Variants in WDR44 observed in about 807,000 individuals in gnomAD.
WDR44 encodes the protein WD repeat domain 44, also known as WD repeat-containing protein 44.
In WDR44, 9 loss-of-function variants were observed where a neutral mutation model predicts 65.7. That is an observed-to-expected ratio of 0.14 (90% CI 0.08 to 0.24). The LOEUF (loss-of-function observed/expected upper bound fraction) is 0.24, where lower values mean the gene tolerates loss of function less well. Ranked by LOEUF, WDR44 falls within the 10% of genes least tolerant of loss-of-function variation. WDR44 has a pLI of 1.00. For missense variants in WDR44, 425 were observed against 670.9 expected, an observed-to-expected ratio of 0.63 and a Z score of 4.05; for synonymous variants, 220 against 235.2, an observed-to-expected ratio of 0.94 and a Z score of 0.59.
intron 1 of WDR44, 74 bp from the exon 2 acceptor site, chrX:118,378,345 T>A: frequency 4.9e-6 from 4 of 824,388 alleles, no homozygotes; most frequent in Non-Finnish European, 7.1e-6. Context: ...TGGACTTGTC[T>A]GTAGTAAGTG....
intron 1 of WDR44, among the ~76,000 whole-genome samples, chrX:118,352,352 A>ATATATATATT (rs1357425730): frequency 2.1e-4 from 3 of 14,224 alleles, no homozygotes; most frequent in African/African-American, 1.1e-3. Flanking sequence ...ATATATATAT[A>ATATATATATT]TTTTTTTTTT....
At chrX:118,346,930 C>G (rs2056356487) in intron 1 of WDR44, among the ~76,000 whole-genome samples, 1 of 111,691 alleles carries the variant, frequency 9.0e-6, no homozygotes, top group South Asian at 3.8e-4. Context: ...TTCAAACATC[C>G]GTTTTGGCCT....
chrX:118,435,418 A>G (rs1202687699), intron 13 of WDR44, among the ~76,000 whole-genome samples: 1 of 111,061 alleles, frequency 9.0e-6, no homozygotes, highest in African/African-American at 3.3e-5. Context: ...AGCTGGAATT[A>G]CAGGCGTGGG....
Position 118,410,956 on chromosome X carries a change from A to C in WDR44, c.1734A>C (p.Thr578=), listed in dbSNP as rs753260210. Reference sequence around the variant, plus strand: ...GTTCATCAAAATCGGATACAGATACAGGGGTATGCTTATTGTTTTATGGTT... The same window carrying C: ...GTTCATCAAAATCGGATACAGATACCGGGGTATGCTTATTGTTTTATGGTT... The part of the protein sequence containing the change: ...SLSSSKSDTD[T]GVCSGTDEDP... Residue 578 remains threonine (T), a synonymous_variant, in exon 12 of 20, where the codon ACA becomes ACC. Coordinates refer to ENST00000254029, the MANE Select transcript of WDR44 (RefSeq NM_019045.5). 1 of 1,184,797 alleles carries C rather than the reference A, an allele frequency of 8.4e-7. No homozygotes were observed. The highest frequency in any genetic ancestry group is 1.1e-6 in the Non-Finnish European group (1 of 881,936).
chrX:118,378,049 C>T (rs1171280561), intron 1 of WDR44, among the ~76,000 whole-genome samples: 3 of 110,404 alleles, frequency 2.7e-5, no homozygotes, highest in Admixed American at 9.8e-5. Context: ...CTCCGCCTCC[C>T]GGTTCAAGTG....
chrX:118,351,674 G>C (rs985667557), intron 1 of WDR44, among the ~76,000 whole-genome samples: 3 of 111,673 alleles, frequency 2.7e-5, no homozygotes, highest in Non-Finnish European at 5.6e-5. Flanking sequence ...ATCCGGCCGG[G>C]CACCATGACT....
chrX:118,346,232 T>A lies in WDR44; in HGVS notation c.-272T>A, dbSNP rs1199924182. On this transcript the variant is annotated 5_prime_UTR_variant, in exon 1 of 20. Transcript: ENST00000254029. ...GAGCCACCGCCTCTTTCGCGCTCCT[T>A]ATACACCTATCACTGGGAGCGGTGG... is the stretch of plus-strand genomic sequence containing the variant. 5 of 385,969 alleles carry A rather than the reference T, an allele frequency of 1.3e-5. No homozygotes were observed. The highest frequency in any genetic ancestry group is 2.2e-5 in the Non-Finnish European group (5 of 224,357). The allele number at this position is 385,969 out of a possible 1,213,427, so 31.8% of individuals were successfully genotyped here. A position where few individuals can be genotyped will look rare whatever the true frequency, so the allele number is the denominator to read the frequency against.
intron 2 of WDR44, among the ~76,000 whole-genome samples, chrX:118,383,594 C>G (rs915612685): frequency 9.0e-6 from 1 of 111,543 alleles, no homozygotes; most frequent in African/African-American, 3.3e-5. Context: ...ATTAGTAGGA[C>G]AGTTGAAGGT....
At chrX:118,360,605 G>C (rs1269838027) in intron 1 of WDR44, among the ~76,000 whole-genome samples, 2 of 111,474 alleles carry the variant, frequency 1.8e-5, no homozygotes, top group Non-Finnish European at 3.8e-5. Flanking sequence ...TTAATTAGTT[G>C]CTTACTTTAA....
Position 118,357,398 on chromosome X carries a change from G to C in WDR44, c.77+10818G>C, listed in dbSNP as rs1162568366. ...TTTAATTTTAAAAAATAAATAGTTT[G>C]GTTTGAGTTTTGTTCCTCTGCTCAT... On this transcript the variant is annotated intron_variant, in intron 1 of 19. Coordinates refer to ENST00000254029, the MANE Select transcript of WDR44 (RefSeq NM_019045.5). Among the ~76,000 whole-genome samples, 4 of 111,638 alleles carry C rather than the reference G, an allele frequency of 3.6e-5. No individual in the cohort carries two copies. The East Asian group carries it at 1.1e-3, about 31-fold the overall frequency.
chrX:118,395,164 A>G (rs2056854945), intron 5 of WDR44, 85 bp from the exon 6 acceptor site: 6 of 853,224 alleles, frequency 7.0e-6, no homozygotes, highest in South Asian at 2.4e-5. Flanking sequence ...GAATTATGAA[A>G]TTCTTTAGAA....
At chrX:118,403,874 T>G (rs1421569317) in intron 8 of WDR44, among the ~76,000 whole-genome samples, 3 of 112,284 alleles carry the variant, frequency 2.7e-5, no homozygotes, top group African/African-American at 9.7e-5. Flanking sequence ...AGGGACCATC[T>G]TAAGCTACCA....
chrX:118,394,525 C>T (rs773921319), intron 5 of WDR44, among the ~76,000 whole-genome samples: 1 of 111,284 alleles, frequency 9.0e-6, no homozygotes, highest in Admixed American at 9.6e-5. Flanking sequence ...TAAACACCAA[C>T]TATAGTCTAT....
chrX:118,378,551 C>G (rs2056682623), intron 2 of WDR44, 99 bp downstream of exon 2: 1 of 875,266 alleles, frequency 1.1e-6, no homozygotes. Context: ...CTTTTTTTTA[C>G]TTACTTTTTG....
chrX:118,399,199 A>G (rs941358980), intron 8 of WDR44, among the ~76,000 whole-genome samples: 1 of 112,107 alleles, frequency 8.9e-6, no homozygotes, highest in African/African-American at 3.2e-5. Flanking sequence ...TTCCCTTTAC[A>G]ATATGTTATC....
chrX:118,386,402 A>AAT (rs746499482), intron 2 of WDR44: 251 of 336,286 alleles, frequency 7.5e-4, no homozygotes, highest in East Asian at 1.6e-3. Context: ...TAACCTCCCA[A>AAT]ATATATATAT....
At chrX:118,389,706 T>C (rs1243642155) in intron 3 of WDR44, among the ~76,000 whole-genome samples, 2 of 77,923 alleles carry the variant, frequency 2.6e-5, no homozygotes, top group Middle Eastern at 9.3e-3. Flanking sequence ...GTGACAGAGC[T>C]AGACTCCCTC....
intron 13 of WDR44, among the ~76,000 whole-genome samples, chrX:118,434,949 G>A (rs756711278): frequency 1.8e-5 from 2 of 111,415 alleles, no homozygotes; most frequent in Non-Finnish European, 3.8e-5. Flanking sequence ...ATTTTGTCTC[G>A]AGGAAGAGAT....
At chrX:118,383,717 ATTC>A (rs1293917806) in intron 2 of WDR44, among the ~76,000 whole-genome samples, 1 of 85,131 alleles carries the variant, frequency 1.2e-5, no homozygotes, top group Non-Finnish European at 2.2e-5. Flanking sequence ...GCTTCCAAGT[ATTC>A]TTTTTTTTTT....
Sources: gnomAD v4.1 joint callset for allele counts (sites outside exome capture counted in the v4.1 genomes callset) on GRCh38, gnomAD v4.1.1 for gene constraint, MANE v1.5 for transcripts, NCBI Gene and HGNC (gene_info 2026-07-23, HGNC 2026-07-21) for gene names.